The following VAV2 variants were observed in gnomAD, a reference collection of about 807,000 sequenced individuals.
VAV2 encodes vav guanine nucleotide exchange factor 2.
In VAV2, 67 loss-of-function variants were observed where a neutral mutation model predicts 132.5. That is an observed-to-expected ratio of 0.51 (90% CI 0.42 to 0.62). The LOEUF (loss-of-function observed/expected upper bound fraction) is 0.62. VAV2 is among the 20% of genes least tolerant of loss of function. The pLI is 0.00. For missense variants in VAV2, 938 were observed against 1,153.6 expected, an observed-to-expected ratio of 0.81 and a Z score of 2.71; for synonymous variants, 492 against 443.5, an observed-to-expected ratio of 1.11 and a Z score of -1.37.
In VAV2 at chr9:133,812,844, A is replaced by G. The variant is rs138072322; in HGVS notation, c.450-628T>C. Among the ~76,000 whole-genome samples, 490 of 152,340 alleles carry G rather than the reference A, an allele frequency of 3.2e-3. 5 individuals carry two copies. Among genetic ancestry groups the G allele is most frequent in the African/African-American group, 0.011 (477 of 41,572 alleles). ...TCCAACAAGCCACCCCTCTGCCTGCAGGACTCAGCTCACGGGCCACCTCCT... is the reference window on the plus strand; with the variant it reads ...TCCAACAAGCCACCCCTCTGCCTGCGGGACTCAGCTCACGGGCCACCTCCT... On this transcript the variant is annotated intron_variant, in intron 4 of 29. Coordinates refer to ENST00000371850, the MANE Select transcript of VAV2 (RefSeq NM_001134398.2).
At chr9:133,860,245 T>C (rs1383691790) in intron 3 of VAV2, among the ~76,000 whole-genome samples, 3 of 150,662 alleles carry the variant, frequency 2.0e-5, no homozygotes, top group Admixed American at 2.0e-4. Flanking sequence ...GAGGTTGCAG[T>C]GAGCCGAGAT....
chr9:133,776,145 G>T, intron 23 of VAV2, 65 bp from the exon 24 acceptor site: 1 of 1,585,890 alleles, frequency 6.3e-7, no homozygotes. Context: ...GGCTCAGAGG[G>T]GGTCATTGTC....
chr9:133,946,111 G>A (rs1220340115), intron 1 of VAV2, among the ~76,000 whole-genome samples: 1 of 152,260 alleles, frequency 6.6e-6, no homozygotes, highest in Non-Finnish European at 1.5e-5. Context: ...AGCTGGAGCT[G>A]AGGAGCAGCC....
chr9:133,834,437 G>T lies in VAV2; in HGVS notation c.381-97C>A. 1 of 1,289,854 alleles carries T rather than the reference G, an allele frequency of 7.8e-7. No individual in the cohort carries two copies. The highest frequency in any genetic ancestry group is 2.1e-5 in the Admixed American group (1 of 46,776). The allele number at this position is 1,289,854 out of a possible 1,614,324, so 79.9% of individuals were successfully genotyped here. On this transcript the variant is annotated intron_variant, in intron 3 of 29. Transcript: ENST00000371850. The surrounding 1 kb of genome is among the most constrained non-coding windows in gnomAD (Gnocchi z 5.9). ...CCACAGCAGAGCCCAGTGTGGCCCA[G>T]CCAGGAGCAAAGGGGCTCTTGTCCA...
intron 3 of VAV2, among the ~76,000 whole-genome samples, chr9:133,847,610 C>T (rs973534252): frequency 6.6e-6 from 1 of 152,184 alleles, no homozygotes; most frequent in Non-Finnish European, 1.5e-5. Context: ...GAACCCTGGC[C>T]CCCTGACTCC....
chr9:133,781,587 G>T (rs1201997390), intron 19 of VAV2, among the ~76,000 whole-genome samples: 1 of 152,194 alleles, frequency 6.6e-6, no homozygotes, highest in African/African-American at 2.4e-5. Context: ...GGACATCTCG[G>T]CCCCCATGGG....
At position 133,824,581 on chromosome 9, in the gene VAV2, C is replaced by A. The variant is rs111473096; in HGVS notation, c.449+9691G>T. On this transcript the variant is annotated intron_variant, in intron 4 of 29. Coordinates refer to ENST00000371850, the MANE Select transcript of VAV2 (RefSeq NM_001134398.2). This position sits in a 1 kb window ranked among gnomAD's most constrained non-coding sequence, Gnocchi z 5.2. ...ACACCTCCTCCAGGAAGGCTTCCTG[C>A]CCTCCTGGCTTGTCAGGGTCTGCCC... is the stretch of plus-strand genomic sequence containing the variant. 6.6e-6 allele frequency among the ~76,000 whole-genome samples: 1 copy of A among 152,178 alleles called. No individual in the cohort carries two copies. The highest frequency in any genetic ancestry group is 1.5e-5 in the Non-Finnish European group (1 of 68,018).
intron 2 of VAV2, among the ~76,000 whole-genome samples, chr9:133,938,537 C>T (rs531155814): frequency 3.4e-4 from 51 of 152,210 alleles, no homozygotes; most frequent in African/African-American, 1.2e-3. Flanking sequence ...CCATGTGAGG[C>T]TTCCTGAGAA....
At chr9:133,881,182 G>A (rs922596925) in intron 2 of VAV2, among the ~76,000 whole-genome samples, 6 of 152,230 alleles carry the variant, frequency 3.9e-5, no homozygotes, top group South Asian at 2.1e-4. Flanking sequence ...CCCACCATAC[G>A]ACCCGGAGAA....
intron 4 of VAV2, among the ~76,000 whole-genome samples, chr9:133,831,633 T>C (rs1207857136): frequency 6.6e-6 from 1 of 152,082 alleles, no homozygotes; most frequent in Non-Finnish European, 1.5e-5. Flanking sequence ...TTCATGTCAG[T>C]CCCTGGCCAC....
intron 4 of VAV2, among the ~76,000 whole-genome samples, chr9:133,831,121 G>A (rs1836244739): frequency 6.6e-6 from 1 of 152,112 alleles, no homozygotes; most frequent in Non-Finnish European, 1.5e-5. Flanking sequence ...GTCACAATCA[G>A]GACGGGCAGA....
Position 133,885,523 on chromosome 9 carries a change from G to A in VAV2, c.322-24091C>T, listed in dbSNP as rs1246342136. The stretch of plus-strand genomic sequence containing the variant: ...TGCAAGTGTCGTATTTACTAATAAT[G>A]GTGCACCGCCAGGAGCGTGCAATGC... On this transcript the variant is annotated intron_variant, in intron 2 of 29. Transcript: ENST00000371850. The surrounding 1 kb of genome is among the most constrained non-coding windows in gnomAD (Gnocchi z 5.0). Among the ~76,000 whole-genome samples, 1 of 152,206 alleles carries A rather than the reference G, an allele frequency of 6.6e-6. No individual in the cohort carries two copies. Among genetic ancestry groups the A allele is most frequent in the Non-Finnish European group, 1.5e-5 (1 of 68,042 alleles).
At chr9:133,853,745 T>A (rs1018245665) in intron 3 of VAV2, among the ~76,000 whole-genome samples, 3 of 151,776 alleles carry the variant, frequency 2.0e-5, no homozygotes, top group Non-Finnish European at 4.4e-5. Context: ...TGCCCTGGGC[T>A]CTCCCTCCCC....
intron 1 of VAV2, among the ~76,000 whole-genome samples, chr9:133,972,500 T>C (rs1003169880): frequency 6.9e-6 from 1 of 144,738 alleles, no homozygotes; most frequent in Non-Finnish European, 1.5e-5. Context: ...CAAACACTCT[T>C]TGCCGCTGGC....
At chr9:133,770,162 T>C (rs1833568295) in intron 27 of VAV2, among the ~76,000 whole-genome samples, 1 of 151,934 alleles carries the variant, frequency 6.6e-6, no homozygotes, top group African/African-American at 2.4e-5. Context: ...AGACACAGAG[T>C]AGCAATTCTG....
intron 2 of VAV2, among the ~76,000 whole-genome samples, chr9:133,930,807 G>C (rs141234352): frequency 6.6e-6 from 1 of 152,182 alleles, no homozygotes; most frequent in African/African-American, 2.4e-5. Flanking sequence ...TCAGGTGACC[G>C]GTGGTGTGCG....
intron 4 of VAV2, among the ~76,000 whole-genome samples, chr9:133,816,092 C>T (rs1025685815): frequency 2.6e-5 from 4 of 152,202 alleles, no homozygotes; most frequent in African/African-American, 7.2e-5. Flanking sequence ...TGATGGCTAA[C>T]GCTGCTGAGG....
At chr9:133,815,555 G>GT in intron 4 of VAV2, among the ~76,000 whole-genome samples, 1 of 152,168 alleles carries the variant, frequency 6.6e-6, no homozygotes, top group Non-Finnish European at 1.5e-5. Context: ...CGTTAGATTT[G>GT]TTTTTGTGCC....
chr9:133,892,979 G>A (rs1233301957), intron 2 of VAV2, among the ~76,000 whole-genome samples: 1 of 152,218 alleles, frequency 6.6e-6, no homozygotes, highest in Admixed American at 6.5e-5. Context: ...AGTGAGACCA[G>A]GAACACCATC....
Sources: allele counts gnomAD v4.1 joint callset (sites outside exome capture counted in the v4.1 genomes callset), GRCh38; gene constraint gnomAD v4.1.1; non-coding constraint Gnocchi (gnomAD v3.1); transcripts MANE v1.5; gene names NCBI Gene and HGNC (gene_info 2026-07-23, HGNC 2026-07-21).